The following CEP135 variants were observed in gnomAD, a reference collection of about 807,000 sequenced individuals.
CEP135 encodes centrosomal protein of 135 kDa.
Under a neutral mutation model 157.3 loss-of-function variants are expected in CEP135, and 142 were observed. That is an observed-to-expected ratio of 0.90 (90% CI 0.79 to 1.04). The LOEUF (loss-of-function observed/expected upper bound fraction) is 1.04. Ranked by LOEUF, CEP135 falls within the 50% of genes least tolerant of loss-of-function variation. The probability of loss-of-function intolerance (pLI) is 0.00; values close to 1 mark genes in which losing one functional copy is unlikely to be tolerated. For synonymous variants in CEP135, 396 were observed against 439.8 expected (o/e 0.90, Z 1.25); for missense variants, 1,317 against 1,309.2 (o/e 1.01, Z -0.09).
Position 55,974,962 on chromosome 4 carries a change from C to G in CEP135, c.1466C>G (p.Pro489Arg). The G allele has an allele frequency of 6.3e-7, 1 of 1,595,044 alleles. No individual in the cohort carries two copies. Among genetic ancestry groups the G allele is most frequent in the Non-Finnish European group, 8.6e-7 (1 of 1,169,048 alleles). Reference sequence around the variant, plus strand: ...GAAAAAAGTTCAATATTTAGAACACCAGAAAAGGTAATGTCCCTTTATAAG... The same window carrying G: ...GAAAAAAGTTCAATATTTAGAACACGAGAAAAGGTAATGTCCCTTTATAAG... The part of the protein sequence containing the change: ...AREKSSIFRT[P>R]EKGDYNSEIH... The change falls in exon 11 of 26, where the codon CCA becomes CGA. Residue 489 changes from proline to arginine, a missense_variant. Transcript: ENST00000257287.
intron 21 of CEP135, among the ~76,000 whole-genome samples, chr4:56,014,356 A>G (rs183686454): frequency 8.9e-4 from 135 of 152,328 alleles, no homozygotes; most frequent in Non-Finnish European, 1.5e-3. Flanking sequence ...TGAAGAGATC[A>G]TTGGTAGAAA....
intron 25 of CEP135, 150 bp downstream of exon 25, chr4:56,024,764 AG>A: frequency 1.7e-6 from 1 of 588,404 alleles, no homozygotes; most frequent in African/African-American, 1.9e-5. Flanking sequence ...TCTTGGTGAT[AG>A]TAGTTATGTG....
intron 9 of CEP135, among the ~76,000 whole-genome samples, chr4:55,971,021 GACAATATGCTAA>G (rs1729010815): frequency 6.6e-6 from 1 of 151,958 alleles, no homozygotes; most frequent in African/African-American, 2.4e-5. Flanking sequence ...AAAAAAATAA[GACAATATGCTAA>G]ACTAACTAGA....
intron 21 of CEP135, among the ~76,000 whole-genome samples, chr4:56,017,328 A>G (rs1381770160): frequency 6.6e-6 from 1 of 152,144 alleles, no homozygotes; most frequent in Non-Finnish European, 1.5e-5. Flanking sequence ...GATAATTTTT[A>G]AAGGAAAAAT....
chr4:56,023,024 G>T (rs554795367), intron 24 of CEP135, among the ~76,000 whole-genome samples: 2 of 152,256 alleles, frequency 1.3e-5, no homozygotes, highest in African/African-American at 4.8e-5. Flanking sequence ...TTGAGGCCAG[G>T]AGTTCAAGAC....
chr4:56,024,468 AAT>A, intron 24 of CEP135, 31 bp from the exon 25 acceptor site: 2 of 1,521,158 alleles, frequency 1.3e-6, no homozygotes, highest in Non-Finnish European at 9.1e-7. Context: ...CTGGTGCTTG[AAT>A]ATATCTCTCT....
At position 56,000,132 on chromosome 4, in the gene CEP135, C is replaced by G. The variant is rs530678803; in HGVS notation, c.2280+487C>G. Among the ~76,000 whole-genome samples the G allele has an allele frequency of 3.2e-3, 488 of 152,132 alleles. 2 individuals carry two copies. The highest frequency in any genetic ancestry group is 0.011 in the African/African-American group (459 of 41,516). Reference sequence around the variant, plus strand: ...CTTGAGCCCAGGGGCGGAGATTGCACTGAACTGAGATCATGCCACTGCACT... The same window carrying G: ...CTTGAGCCCAGGGGCGGAGATTGCAGTGAACTGAGATCATGCCACTGCACT... On this transcript the variant is annotated intron_variant, in intron 17 of 25. Transcript: ENST00000257287.
chr4:55,997,194 G>A (rs1210045132), intron 15 of CEP135, among the ~76,000 whole-genome samples: 1 of 152,152 alleles, frequency 6.6e-6, no homozygotes, highest in East Asian at 1.9e-4. Context: ...CACCTCAACT[G>A]TTTCGTTGAG....
chr4:56,030,720 G>T (rs1230641723), intron 25 of CEP135, among the ~76,000 whole-genome samples: 1 of 152,134 alleles, frequency 6.6e-6, no homozygotes, highest in African/African-American at 2.4e-5. Context: ...CTCCCAAAGT[G>T]CCGGGATTAC....
intron 18 of CEP135, among the ~76,000 whole-genome samples, chr4:56,009,167 G>T (rs7673139): frequency 0.82 from 124,781 of 151,884 alleles, 51,920 homozygotes; most frequent in African/African-American, 0.95. Context: ...TGTTGTTGTT[G>T]TTTTTTGTTG....
At chr4:55,989,767 A>G (rs1414019981) in intron 14 of CEP135, among the ~76,000 whole-genome samples, 1 of 152,246 alleles carries the variant, frequency 6.6e-6, no homozygotes, top group Admixed American at 6.5e-5. Flanking sequence ...ATCATTTTAC[A>G]TCAAGGCATT....
At chr4:55,962,197 T>G (rs1416152782) in intron 6 of CEP135, among the ~76,000 whole-genome samples, 1 of 152,142 alleles carries the variant, frequency 6.6e-6, no homozygotes, top group Non-Finnish European at 1.5e-5. Context: ...CCTCCTGGAT[T>G]CATGCCATTC....
chr4:56,004,371 A>G (rs1730279950), intron 17 of CEP135, among the ~76,000 whole-genome samples: 1 of 152,218 alleles, frequency 6.6e-6, no homozygotes, highest in Non-Finnish European at 1.5e-5. Flanking sequence ...GATAAAAGGA[A>G]TTTATTCTGC....
At chr4:56,004,990 T>C (rs900524435) in intron 17 of CEP135, among the ~76,000 whole-genome samples, 1 of 152,028 alleles carries the variant, frequency 6.6e-6, no homozygotes, top group Non-Finnish European at 1.5e-5. Flanking sequence ...CTTCCCTTTT[T>C]ATTGTCATCC....
chr4:55,972,983 A>T (rs958469913), intron 10 of CEP135, among the ~76,000 whole-genome samples: 1 of 152,118 alleles, frequency 6.6e-6, no homozygotes, highest in Non-Finnish European at 1.5e-5. Flanking sequence ...GTGAGCCGAG[A>T]TCGCACCCTT....
At chr4:56,018,189 G>A (rs953568093) in intron 22 of CEP135, among the ~76,000 whole-genome samples, 4 of 151,854 alleles carry the variant, frequency 2.6e-5, no homozygotes, top group East Asian at 1.9e-4. Context: ...CATGTTGGCC[G>A]GGCTGGTCTC....
At chr4:55,975,730 C>T (rs1729188980) in intron 11 of CEP135, among the ~76,000 whole-genome samples, 1 of 152,144 alleles carries the variant, frequency 6.6e-6, no homozygotes, top group South Asian at 2.1e-4. Context: ...TTTATCTACA[C>T]ACTAGGTAAA....
chr4:55,970,031 G>A (rs1728977239), intron 9 of CEP135, among the ~76,000 whole-genome samples: 1 of 129,660 alleles, frequency 7.7e-6, no homozygotes, highest in Non-Finnish European at 1.6e-5. Context: ...GTGCCACCGT[G>A]CCTAGCTTTT....
At position 56,009,718 on chromosome 4, in the gene CEP135, CA is replaced by C; in HGVS notation, c.2337-16del. 1 of 1,588,472 alleles carries C rather than the reference CA, an allele frequency of 6.3e-7. No homozygotes were observed. The highest frequency in any genetic ancestry group is 8.5e-7 in the Non-Finnish European group (1 of 1,172,556). The stretch of plus-strand genomic sequence containing the variant: ...TTAAAAGTTTTCTTTATTAGTTTCA[CA>C]TCACTCATTTAACAGCCAGCTGAAA... On this transcript the variant is annotated splice_polypyrimidine_tract_variant and intron_variant, in intron 18 of 25. Transcript: ENST00000257287.
Sources: allele counts gnomAD v4.1 joint callset (sites outside exome capture counted in the v4.1 genomes callset), GRCh38; gene constraint gnomAD v4.1.1; transcripts MANE v1.5; gene names NCBI Gene and HGNC (gene_info 2026-07-23, HGNC 2026-07-21).